Variants in CYP2F1 observed in about 807,000 individuals in gnomAD.
CYP2F1 encodes cytochrome P450 family 2 subfamily F member 1.
In CYP2F1, 33 loss-of-function variants were observed where a neutral mutation model predicts 40.4. That is an observed-to-expected ratio of 0.82 (90% CI 0.62 to 1.09). CYP2F1 has a LOEUF of 1.09. Among genes scored for constraint, CYP2F1 ranks in the 50% least tolerant of loss-of-function variants. The probability of loss-of-function intolerance (pLI) is 0.00; values close to 1 mark genes in which losing one functional copy is unlikely to be tolerated. For missense variants in CYP2F1, 566 were observed against 655.7 expected (o/e 0.86, Z 1.49); for synonymous variants, 235 against 277.2 (o/e 0.85, Z 1.51).
At chr19:41,126,147 CA>C (rs2032537375) in intron 9 of CYP2F1, among the ~76,000 whole-genome samples, 1 of 146,016 alleles carries the variant, frequency 6.8e-6, no homozygotes, top group South Asian at 2.2e-4. Flanking sequence ...ATTTAACAGC[CA>C]GGGGCAGTTG....
In CYP2F1 at chr19:41,120,502, G is replaced by A. The variant is rs2032131877; in HGVS notation, c.484+6G>A. On this transcript the variant is annotated splice_donor_region_variant and intron_variant, in intron 4 of 9. Coordinates refer to ENST00000331105, the MANE Select transcript of CYP2F1 (RefSeq NM_000774.5). ...GGAGCTGCGGAAAACTGAAGGTCAGGAATTTTTTTTAACAGGCTGGATGGC... is the reference window on the plus strand; with the variant it reads ...GGAGCTGCGGAAAACTGAAGGTCAGAAATTTTTTTTAACAGGCTGGATGGC... The A allele has an allele frequency of 6.2e-7, 1 of 1,611,414 alleles. No individual in the cohort carries two copies. Among genetic ancestry groups the A allele is most frequent in the Non-Finnish European group, 8.5e-7 (1 of 1,179,236 alleles).
chr19:41,120,478 G>T lies in CYP2F1; in HGVS notation c.466G>T (p.Glu156Ter). 1 of 1,613,250 alleles carries T rather than the reference G, an allele frequency of 6.2e-7. No individual in the cohort carries two copies. Residue 156 changes from glutamate (E) to a stop codon, truncating the protein, a stop_gained, in exon 4 of 10, where the codon GAG becomes TAG. Coordinates refer to ENST00000331105, the MANE Select transcript of CYP2F1 (RefSeq NM_000774.5). LOFTEE classifies it high-confidence loss of function. ...AGAGGAGGGCAGCTTCCTGCTGGCG[G>T]AGCTGCGGAAAACTGAAGGTCAGGA... ...ILEEGSFLLA[E>*]LRKTEGEPFD...
chr19:41,116,913 T>A (rs2031849344), intron 3 of CYP2F1, among the ~76,000 whole-genome samples: 1 of 151,954 alleles, frequency 6.6e-6, no homozygotes. Flanking sequence ...TCATCAACTT[T>A]CCAACTCAGT....
At chr19:41,127,632 C>G (rs965901378) in intron 9 of CYP2F1, among the ~76,000 whole-genome samples, 6 of 152,188 alleles carry the variant, frequency 3.9e-5, no homozygotes, top group African/African-American at 1.2e-4. Flanking sequence ...GCACGCCCAG[C>G]CTTCATATCC....
chr19:41,125,917 G>A (rs2144762834), intron 9 of CYP2F1: 2 of 483,074 alleles, frequency 4.1e-6, no homozygotes, highest in African/African-American at 2.0e-5. Context: ...TGGATCGCCT[G>A]AGGTCAGGAG....
chr19:41,116,095 G>T (rs145625453), intron 1 of CYP2F1, 83 bp from the exon 2 acceptor site: 5 of 1,329,870 alleles, frequency 3.8e-6, no homozygotes, highest in Admixed American at 2.2e-5. Flanking sequence ...CATTTCCAGG[G>T]CCTAGGGAAG....
intron 9 of CYP2F1, among the ~76,000 whole-genome samples, chr19:41,126,402 G>A (rs2032549016): frequency 6.6e-6 from 1 of 151,764 alleles, no homozygotes; most frequent in Non-Finnish European, 1.5e-5. Flanking sequence ...TCCAGCCTGG[G>A]CAACAAGAAC....
chr19:41,123,113 C>T lies in CYP2F1; in HGVS notation c.964+150C>T, dbSNP rs528392605. 3.5e-4 allele frequency: 304 copies of T among 876,646 alleles called. 1 individual carries two copies. The South Asian group carries it at 3.9e-3, about 11-fold the overall frequency. The allele number at this position is 876,646 out of a possible 1,614,324, so 54.3% of individuals were successfully genotyped here. On this transcript the variant is annotated intron_variant, in intron 7 of 9. Coordinates refer to ENST00000331105, the MANE Select transcript of CYP2F1 (RefSeq NM_000774.5). ...CAAACCCACAAACCCACACGGAGGC[C>T]GATCCCACCACATGGCCCATGAGGT...
intron 8 of CYP2F1, 36 bp from the exon 9 acceptor site, chr19:41,125,457 T>C (rs1009904314): frequency 8.4e-7 from 1 of 1,192,862 alleles, no homozygotes; most frequent in African/African-American, 1.6e-5. Context: ...CTCCCAGCCC[T>C]CCTACACTGC....
chr19:41,121,797 GC>G (rs1396792557), intron 5 of CYP2F1, among the ~76,000 whole-genome samples, 159 bp from the exon 6 acceptor site: 1 of 136,450 alleles, frequency 7.3e-6, no homozygotes, highest in Non-Finnish European at 1.5e-5. Flanking sequence ...ATTTATGGCC[GC>G]CATTGCCTCC....
intron 1 of CYP2F1, among the ~76,000 whole-genome samples, chr19:41,114,700 A>G (rs918556930): frequency 1.3e-5 from 2 of 149,510 alleles, no homozygotes; most frequent in Non-Finnish European, 3.0e-5. Context: ...ATGCAACCCC[A>G]TGGTTGGCAA....
In CYP2F1 at chr19:41,119,723, C is replaced by CTA. The variant is rs1290627675; in HGVS notation, c.335-599_335-598dup. 2.8e-3 allele frequency among the ~76,000 whole-genome samples: 100 copies of CTA among 35,734 alleles called. 1 individual carries two copies. The highest frequency in any genetic ancestry group is 3.2e-3 in the African/African-American group (32 of 10,066). 23.4% of individuals were successfully genotyped at this position (35,734 alleles called of 152,430 possible). The stretch of plus-strand genomic sequence containing the variant: ...TCTCTCTCTCTCTCTCTCTCTCTCT[C>CTA]TATATATATATATATATATATATAT... On this transcript the variant is annotated intron_variant, in intron 3 of 9. Transcript: ENST00000331105.
At chr19:41,119,754 C>T (rs780730978) in intron 3 of CYP2F1, among the ~76,000 whole-genome samples, 6,403 of 78,100 alleles carry the variant, frequency 0.082, 279 homozygotes, top group Non-Finnish European at 0.093. Flanking sequence ...TATATACACA[C>T]ACACACACAC....
chr19:41,114,716 G>T (rs1231386967), intron 1 of CYP2F1, among the ~76,000 whole-genome samples: 5 of 150,078 alleles, frequency 3.3e-5, no homozygotes, highest in African/African-American at 9.8e-5. Context: ...GGCAACACTT[G>T]ATTTTTTCCT....
At position 41,127,454 on chromosome 19, in the gene CYP2F1, G is replaced by T. The variant is rs1221860747; in HGVS notation, c.1295-447G>T. ...GGGCTCAAGTGATCCCCTCGCCTCA[G>T]CCTCCCAAGCAGCTGGGACTGCAGG... On this transcript the variant is annotated intron_variant, in intron 9 of 9. Transcript: ENST00000331105. Among the ~76,000 whole-genome samples the T allele has an allele frequency of 2.0e-5, 3 of 152,082 alleles. No homozygotes were observed. The East Asian group carries it at 5.8e-4, about 29-fold the overall frequency.
In CYP2F1 at chr19:41,116,622, G is replaced by A; in HGVS notation, c.334+5G>A. 1 of 1,613,700 alleles carries A rather than the reference G, an allele frequency of 6.2e-7. No individual in the cohort carries two copies. The highest frequency in any genetic ancestry group is 8.5e-7 in the Non-Finnish European group (1 of 1,179,850). ...TCAACTTTACCAAGGGCAATGGTAA[G>A]CCTCGTCCTTGTCTCCTCCGCTCTC... On this transcript the variant is annotated splice_donor_5th_base_variant and intron_variant, in intron 3 of 9. Coordinates refer to ENST00000331105, the MANE Select transcript of CYP2F1 (RefSeq NM_000774.5).
chr19:41,126,896 G>GT lies in CYP2F1; in HGVS notation c.1295-1002dup, dbSNP rs528379396. ...GGTTCTAGGGGTTTTTGTTTTGTTT[G>GT]TTTGTTTTTTGGCTTTCCTCTTTAC... On this transcript the variant is annotated intron_variant, in intron 9 of 9. Transcript: ENST00000331105. Among the ~76,000 whole-genome samples the GT allele has an allele frequency of 1.3e-3, 202 of 152,196 alleles. 1 individual carries two copies. Among genetic ancestry groups the GT allele is most frequent in the Non-Finnish European group, 2.3e-3 (156 of 67,998 alleles).
At chr19:41,118,914 A>G (rs1568376647) in intron 3 of CYP2F1, among the ~76,000 whole-genome samples, 1 of 152,170 alleles carries the variant, frequency 6.6e-6, no homozygotes, top group Non-Finnish European at 1.5e-5. Flanking sequence ...CTAGGTCCAG[A>G]GGAACCAGAG....
At chr19:41,124,249 C>A (rs1434014984) in intron 7 of CYP2F1, among the ~76,000 whole-genome samples, 2 of 102,412 alleles carry the variant, frequency 2.0e-5, no homozygotes, top group South Asian at 4.2e-4. Flanking sequence ...TCCTCTTCCC[C>A]CCCCCCTTTT....
Sources: gnomAD v4.1 joint callset for allele counts (sites outside exome capture counted in the v4.1 genomes callset) on GRCh38, gnomAD v4.1.1 for gene constraint, MANE v1.5 for transcripts, NCBI Gene and HGNC (gene_info 2026-07-23, HGNC 2026-07-21) for gene names.